The following TRIM33 variants were observed in gnomAD, a reference collection of about 807,000 sequenced individuals.
TRIM33 encodes the protein tripartite motif containing 33, also known as E3 ubiquitin-protein ligase TRIM33.
Under a neutral mutation model 125.4 loss-of-function variants are expected in TRIM33, and 20 were observed. The ratio of observed to expected loss-of-function variants is 0.16; its 90% CI spans 0.11 to 0.23. The LOEUF (loss-of-function observed/expected upper bound fraction) is 0.23, where lower values mean the gene tolerates loss of function less well. Among genes scored for constraint, TRIM33 ranks in the 10% least tolerant of loss-of-function variants. TRIM33 has a pLI of 1.00. For synonymous variants in TRIM33, 564 were observed against 513.9 expected (o/e 1.10, Z -1.32); for missense variants, 920 against 1,411.4 (o/e 0.65, Z 5.58).
chr1:114,498,682 G>C (rs2101561378), intron 1 of TRIM33, among the ~76,000 whole-genome samples: 1 of 152,128 alleles, frequency 6.6e-6, no homozygotes, highest in South Asian at 2.1e-4. Flanking sequence ...AAAAGGGTTA[G>C]AGACAAGGAC....
chr1:114,397,634 A>G lies in TRIM33; in HGVS notation c.*14T>C. ...TTTTTTTTTTTTAAACAATTGATTT[A>G]AATCCATGTCATTTTACTTTATATG... On this transcript the variant is annotated 3_prime_UTR_variant, in exon 20 of 20. Coordinates refer to ENST00000358465, the MANE Select transcript of TRIM33 (RefSeq NM_015906.4). The G allele has an allele frequency of 1.3e-6, 1 of 751,886 alleles. No homozygotes were observed. The allele number at this position is 751,886 out of a possible 1,614,324, so 46.6% of individuals were successfully genotyped here.
At chr1:114,495,650 A>G (rs1652325853) in intron 1 of TRIM33, among the ~76,000 whole-genome samples, 1 of 152,214 alleles carries the variant, frequency 6.6e-6, no homozygotes, top group African/African-American at 2.4e-5. Context: ...CAGATAATCT[A>G]CTTTGAAAGC....
chr1:114,426,589 G>A (rs1464847777), intron 8 of TRIM33, among the ~76,000 whole-genome samples: 1 of 150,874 alleles, frequency 6.6e-6, no homozygotes, highest in Non-Finnish European at 1.5e-5. Context: ...TGTTCTGAAA[G>A]TGAGTTTACT....
intron 18 of TRIM33, 147 bp from the exon 19 acceptor site, chr1:114,398,137 T>C (rs1208821703): frequency 1.3e-6 from 1 of 758,816 alleles, no homozygotes; most frequent in Non-Finnish European, 2.1e-6. Context: ...TCTAAAATTC[T>C]ACAGAACATG....
chr1:114,449,195 C>T (rs1448125621), intron 4 of TRIM33, among the ~76,000 whole-genome samples: 1 of 151,834 alleles, frequency 6.6e-6, no homozygotes, highest in Non-Finnish European at 1.5e-5. Flanking sequence ...TATCTCATAC[C>T]TCCAGGCCCA....
At chr1:114,431,968 CTCAG>C (rs1374928381) in intron 5 of TRIM33, among the ~76,000 whole-genome samples, 2 of 152,092 alleles carry the variant, frequency 1.3e-5, no homozygotes, top group Admixed American at 6.5e-5. Context: ...AGTAGTTAGT[CTCAG>C]TCAGACTCCT....
chr1:114,477,039 G>A (rs1023055840), intron 1 of TRIM33, among the ~76,000 whole-genome samples: 3 of 152,068 alleles, frequency 2.0e-5, no homozygotes, highest in Admixed American at 6.6e-5. Flanking sequence ...CCACTCCAGC[G>A]TATTGACTCT....
intron 1 of TRIM33, among the ~76,000 whole-genome samples, chr1:114,481,425 T>C (rs1427336297): frequency 1.3e-5 from 2 of 151,754 alleles, no homozygotes; most frequent in Non-Finnish European, 2.9e-5. Flanking sequence ...ACCCCATCTC[T>C]ACTAAAACTA....
chr1:114,476,749 C>T (rs982385471), intron 1 of TRIM33, among the ~76,000 whole-genome samples: 2 of 151,926 alleles, frequency 1.3e-5, no homozygotes, highest in African/African-American at 4.8e-5. Flanking sequence ...GCATAAATGG[C>T]CAATTTTCTA....
intron 4 of TRIM33, among the ~76,000 whole-genome samples, chr1:114,454,204 C>A (rs540367014): frequency 3.3e-5 from 5 of 151,918 alleles, no homozygotes; most frequent in South Asian, 2.1e-4. Flanking sequence ...AGGTGGTTTG[C>A]GAAGAGGGAG....
In TRIM33 at chr1:114,397,589, G is replaced by GTTTTTTTTTTTT. The variant is rs66490349; in HGVS notation, c.*47_*58dup. ...CTTAAAAGTTTTCTGGGTTTTTTGT[G>GTTTTTTTTTTTT]TTTTTTTTTTTTTTTTCGTTTTTTT... is the stretch of plus-strand genomic sequence containing the variant. On this transcript the variant is annotated 3_prime_UTR_variant, in exon 20 of 20. Transcript: ENST00000358465. The GTTTTTTTTTTTT allele has an allele frequency of 2.0e-4, 129 of 640,426 alleles. 3 individuals carry two copies. Among genetic ancestry groups the GTTTTTTTTTTTT allele is most frequent in the African/African-American group, 1.4e-3 (50 of 36,430 alleles). 39.7% of individuals were successfully genotyped at this position (640,426 alleles called of 1,614,324 possible). A position where few individuals can be genotyped will look rare whatever the true frequency, so the allele number is the denominator to read the frequency against.
chr1:114,454,419 C>T (rs573778010), intron 4 of TRIM33, among the ~76,000 whole-genome samples: 1 of 152,096 alleles, frequency 6.6e-6, no homozygotes, highest in Non-Finnish European at 1.5e-5. Context: ...GGCATGGTGG[C>T]TCATGCCTAT....
intron 1 of TRIM33, chr1:114,468,471 G>T: frequency 2.8e-6 from 1 of 362,816 alleles, no homozygotes; most frequent in South Asian, 2.3e-5. Context: ...TGGGGACAAA[G>T]AATTGGAAGC....
At position 114,408,679 on chromosome 1, in the gene TRIM33, G is replaced by T; in HGVS notation, c.2256C>A (p.Gly752=). ...PPSTSSTGSR[G]SCGSSGRTAE... Reference sequence around the variant, plus strand: ...AAAATAATTATCAATATACTCACCTGCCTCGACTGCCAGTACTAGAAGTAC... The same window carrying T: ...AAAATAATTATCAATATACTCACCTTCCTCGACTGCCAGTACTAGAAGTAC... The change falls in exon 13 of 20, where the codon GGC becomes GGA. Residue 752 remains glycine, a splice_region_variant and synonymous_variant. Transcript: ENST00000358465. 6.3e-7 allele frequency: 1 copy of T among 1,593,040 alleles called. No individual in the cohort carries two copies. Among genetic ancestry groups the T allele is most frequent in the Non-Finnish European group, 8.6e-7 (1 of 1,166,796 alleles).
chr1:114,493,929 G>T (rs1022590498), intron 1 of TRIM33, among the ~76,000 whole-genome samples: 1 of 151,990 alleles, frequency 6.6e-6, no homozygotes, highest in Non-Finnish European at 1.5e-5. Flanking sequence ...TGATTCAAGC[G>T]ATTCTCCTGC....
At chr1:114,437,339 GTATT>G (rs1001564780) in intron 4 of TRIM33, among the ~76,000 whole-genome samples, 1 of 152,050 alleles carries the variant, frequency 6.6e-6, no homozygotes, top group African/African-American at 2.4e-5. Context: ...TTTTAAAGTA[GTATT>G]TATTTATTTA....
At chr1:114,489,352 A>AT (rs1418851833) in intron 1 of TRIM33, among the ~76,000 whole-genome samples, 2 of 152,216 alleles carry the variant, frequency 1.3e-5, no homozygotes, top group East Asian at 3.8e-4. Flanking sequence ...AAAAGAAAAC[A>AT]TAAGAATACA....
chr1:114,411,091 G>A (rs1261898783), intron 11 of TRIM33, among the ~76,000 whole-genome samples: 1 of 152,078 alleles, frequency 6.6e-6, no homozygotes, highest in Non-Finnish European at 1.5e-5. Context: ...CCAGACTGAA[G>A]AGCAGTGGCA....
chr1:114,469,554 G>A (rs1650512204), intron 1 of TRIM33, among the ~76,000 whole-genome samples: 2 of 152,140 alleles, frequency 1.3e-5, no homozygotes, highest in Admixed American at 1.3e-4. Flanking sequence ...AGATAATTTA[G>A]TTCTTATAAC....
Sources: gnomAD v4.1 joint callset for allele counts (sites outside exome capture counted in the v4.1 genomes callset) on GRCh38, gnomAD v4.1.1 for gene constraint, MANE v1.5 for transcripts, NCBI Gene and HGNC (gene_info 2026-07-23, HGNC 2026-07-21) for gene names.